Variants in NAA11 observed in about 807,000 individuals in gnomAD.
The protein encoded by NAA11 is N-alpha-acetyltransferase 11, NatA catalytic subunit.
NAA11 carries 15 observed loss-of-function variants against 16.1 expected under a neutral mutation model. The ratio of observed to expected loss-of-function variants is 0.93; its 90% confidence interval spans 0.62 to 1.44. NAA11 has a LOEUF of 1.44. Among genes scored for constraint, NAA11 ranks in the 40% most tolerant of loss-of-function variants. The pLI is 0.00. For missense variants in NAA11, 298 were observed against 291.3 expected (o/e 1.02, Z -0.17); for synonymous variants, 122 against 112.4 (o/e 1.09, Z -0.54).
chr4:79,304,293 T>G (rs1453206981), intron 1 of NAA11, among the ~76,000 whole-genome samples: 1 of 152,116 alleles, frequency 6.6e-6, no homozygotes, highest in Non-Finnish European at 1.5e-5. Context: ...AAATACAAAT[T>G]TGAAGAAAAC....
intron 2 of NAA11, among the ~76,000 whole-genome samples, chr4:79,263,789 C>CA (rs1560432457): frequency 6.6e-6 from 1 of 152,228 alleles, no homozygotes; most frequent in East Asian, 1.9e-4. Flanking sequence ...GACTACTTTA[C>CA]ATCTTCTCTC....
chr4:79,228,699 T>TCATA (rs1721384956), intron 2 of NAA11, among the ~76,000 whole-genome samples: 1 of 151,972 alleles, frequency 6.6e-6, no homozygotes, highest in Non-Finnish European at 1.5e-5. Context: ...TCACAGGTGT[T>TCATA]TTATCCACTA....
chr4:79,312,687 C>T (rs1723813255), downstream of NAA11, among the ~76,000 whole-genome samples: 1 of 146,496 alleles, frequency 6.8e-6, no homozygotes. Context: ...TGGGGTCTTG[C>T]TTAGGCTGCC....
the NAA11 span, among the ~76,000 whole-genome samples, chr4:79,219,990 C>T: frequency 6.6e-6 from 1 of 152,224 alleles, no homozygotes; most frequent in East Asian, 1.9e-4. Flanking sequence ...CTATTTTGAG[C>T]TCACCTTGTA....
chr4:79,224,852 C>A (rs902966707), downstream of NAA11, among the ~76,000 whole-genome samples: 2 of 152,036 alleles, frequency 1.3e-5, no homozygotes, highest in African/African-American at 4.8e-5. Context: ...TCTAAAAATT[C>A]ACAGCCCTGG....
At chr4:79,162,452 A>G in the NAA11 span, among the ~76,000 whole-genome samples, 1 of 152,250 alleles carries the variant, frequency 6.6e-6, no homozygotes, top group African/African-American at 2.4e-5. Flanking sequence ...CACCTGCAAG[A>G]GTGACCCAGC....
chr4:79,256,651 A>ATATATAAATATATATATATATAT (rs1722113513), intron 2 of NAA11, among the ~76,000 whole-genome samples: 2 of 130,768 alleles, frequency 1.5e-5, no homozygotes, highest in African/African-American at 6.1e-5. Flanking sequence ...TATAAATATA[A>ATATATAAATATATATATATATAT]ATATATATAT....
the NAA11 span, among the ~76,000 whole-genome samples, chr4:79,196,955 C>CAAAGAAAAAAA: frequency 1.2e-5 from 1 of 86,168 alleles, no homozygotes; most frequent in Non-Finnish European, 2.1e-5. Flanking sequence ...ATGAAAAAGA[C>CAAAGAAAAAAA]AAAAAAAAAA....
chr4:79,221,199 G>T (rs1488468432), downstream of NAA11, among the ~76,000 whole-genome samples: 1 of 151,664 alleles, frequency 6.6e-6, no homozygotes, highest in African/African-American at 2.4e-5. Flanking sequence ...GTATAAGAAT[G>T]CTTGTGATTT....
intron 1 of NAA11, among the ~76,000 whole-genome samples, chr4:79,295,433 CA>C (rs1206918710): frequency 6.6e-6 from 1 of 151,982 alleles, no homozygotes. Flanking sequence ...TAAATAGAAA[CA>C]AAAAAACTGC....
intron 2 of NAA11, among the ~76,000 whole-genome samples, chr4:79,259,392 AGCTGGCACCCAT>A (rs1273762055): frequency 6.6e-6 from 1 of 152,172 alleles, no homozygotes; most frequent in Non-Finnish European, 1.5e-5. Flanking sequence ...CCTCACAGAG[AGCTGGCACCCAT>A]GCTGGCACCT....
the NAA11 span, among the ~76,000 whole-genome samples, chr4:79,168,138 G>A: frequency 6.6e-6 from 1 of 151,886 alleles, no homozygotes; most frequent in South Asian, 2.1e-4. Context: ...TTCTGTTCCT[G>A]TGTTAGTTTG....
chr4:79,206,837 C>T, the NAA11 span, among the ~76,000 whole-genome samples: 1 of 152,094 alleles, frequency 6.6e-6, no homozygotes, highest in African/African-American at 2.4e-5. Flanking sequence ...TGTACCCTTT[C>T]TGCAGAAAGT....
At chr4:79,276,054 T>C (rs1417580872) in intron 2 of NAA11, among the ~76,000 whole-genome samples, 1 of 152,124 alleles carries the variant, frequency 6.6e-6, no homozygotes, top group Non-Finnish European at 1.5e-5. Context: ...TTACATGTCT[T>C]GCTCAATTGC....
At chr4:79,280,212 G>C (rs1403734719) in intron 2 of NAA11, among the ~76,000 whole-genome samples, 1 of 151,210 alleles carries the variant, frequency 6.6e-6, no homozygotes, top group Non-Finnish European at 1.5e-5. Context: ...ATTGAAATCA[G>C]GCAGATTGTG....
chr4:79,211,584 T>C, the NAA11 span: 1 of 152,200 alleles, frequency 6.6e-6, no homozygotes, highest in Non-Finnish European at 1.5e-5. Flanking sequence ...GTGTTATGCA[T>C]GTCAGAGGCA....
chr4:79,272,392 C>T (rs1037752753), intron 2 of NAA11, among the ~76,000 whole-genome samples: 3 of 151,888 alleles, frequency 2.0e-5, no homozygotes, highest in African/African-American at 7.3e-5. Context: ...TATATTTAGA[C>T]CAGAAAAACT....
At chr4:79,291,657 G>C (rs1723089422) in intron 2 of NAA11, among the ~76,000 whole-genome samples, 1 of 152,064 alleles carries the variant, frequency 6.6e-6, no homozygotes, top group African/African-American at 2.4e-5. Context: ...CTGGAAGACA[G>C]AGGTTGCGGT....
the NAA11 span, among the ~76,000 whole-genome samples, chr4:79,212,673 G>T: frequency 6.6e-6 from 1 of 152,080 alleles, no homozygotes; most frequent in Non-Finnish European, 1.5e-5. Flanking sequence ...AGGAAAGAGA[G>T]AATTCATAGT....
Sources: gnomAD v4.1 joint callset for allele counts (sites outside exome capture counted in the v4.1 genomes callset) on GRCh38, gnomAD v4.1.1 for gene constraint, MANE v1.5 for transcripts, NCBI Gene and HGNC (gene_info 2026-07-23, HGNC 2026-07-21) for gene names.